Variants in MEF2A observed in about 807,000 individuals in gnomAD.
MEF2A encodes the protein myocyte-specific enhancer factor 2A.
In MEF2A, 28 loss-of-function variants were observed where a neutral mutation model predicts 55.8. The observed-to-expected ratio is 0.50, with a 90% confidence interval of 0.37 to 0.69. The LOEUF is 0.69. Among genes scored for constraint, MEF2A ranks in the 30% least tolerant of loss-of-function variants. The pLI, the probability that MEF2A is intolerant of heterozygous loss-of-function variation, is 0.00. For missense variants in MEF2A, 528 were observed against 626.2 expected (o/e 0.84, Z 1.67); for synonymous variants, 239 against 227.1 (o/e 1.05, Z -0.47).
intron 1 of MEF2A, among the ~76,000 whole-genome samples, chr15:99,576,975 T>A (rs1373681525): frequency 6.6e-6 from 1 of 152,164 alleles, no homozygotes; most frequent in East Asian, 1.9e-4. Flanking sequence ...CTTAAAAATT[T>A]TAAAAGCCTA....
In MEF2A at chr15:99,693,301, G is replaced by A. The variant is rs147567645; in HGVS notation, c.858+2873G>A. Among the ~76,000 whole-genome samples the A allele has an allele frequency of 2.9e-3, 444 of 152,212 alleles. 4 individuals carry two copies. The highest frequency in any genetic ancestry group is 0.01 in the African/African-American group (420 of 41,514). On this transcript the variant is annotated intron_variant, in intron 8 of 11. Coordinates refer to ENST00000557942, the MANE Select transcript of MEF2A (RefSeq NM_001319206.4). ...AAGAGCTATGCACCATTATCAAATGGTATAACATATTTATAATTGGACTTC... is the reference window on the plus strand; with the variant it reads ...AAGAGCTATGCACCATTATCAAATGATATAACATATTTATAATTGGACTTC...
At chr15:99,652,972 G>A (rs2047097678) in intron 4 of MEF2A, among the ~76,000 whole-genome samples, 1 of 152,052 alleles carries the variant, frequency 6.6e-6, no homozygotes, top group Non-Finnish European at 1.5e-5. Flanking sequence ...ATTATCTTAT[G>A]GCAGAAGTGC....
intron 3 of MEF2A, among the ~76,000 whole-genome samples, chr15:99,633,439 A>T (rs957033650): frequency 6.6e-6 from 1 of 152,156 alleles, no homozygotes; most frequent in Non-Finnish European, 1.5e-5. Flanking sequence ...AATCCATTGT[A>T]TAGATTTCTC....
chr15:99,639,118 C>A (rs1249835376), intron 3 of MEF2A, among the ~76,000 whole-genome samples: 1 of 152,082 alleles, frequency 6.6e-6, no homozygotes, highest in Non-Finnish European at 1.5e-5. Flanking sequence ...AACGATACTT[C>A]AAGGTTTGCT....
In MEF2A at chr15:99,683,520, C is replaced by T. The variant is rs147419441; in HGVS notation, c.671-6721C>T. On this transcript the variant is annotated intron_variant, in intron 7 of 11. Transcript: ENST00000557942. Reference sequence around the variant, plus strand: ...CTCTGCGGCTCAGGCAATTCTTCTGCGTCAGCCTCCCTAGTAGCCAGGATT... The same window carrying T: ...CTCTGCGGCTCAGGCAATTCTTCTGTGTCAGCCTCCCTAGTAGCCAGGATT... 1.2e-3 allele frequency among the ~76,000 whole-genome samples: 189 copies of T among 152,198 alleles called. 1 individual carries two copies. The highest frequency in any genetic ancestry group is 3.1e-3 in the Admixed American group (47 of 15,296).
intron 2 of MEF2A, chr15:99,620,786 T>G (rs1259035441): frequency 2.0e-5 from 3 of 152,160 alleles, no homozygotes; most frequent in Non-Finnish European, 4.4e-5. Context: ...CTAAACTAAT[T>G]TACATTCTCA....
At chr15:99,589,650 C>T (rs746562658) in intron 1 of MEF2A, among the ~76,000 whole-genome samples, 3 of 152,004 alleles carry the variant, frequency 2.0e-5, no homozygotes, top group East Asian at 1.9e-4. Flanking sequence ...TTTCCAAGTA[C>T]GTATCTTTAG....
At chr15:99,674,655 G>T in intron 6 of MEF2A, 43 bp downstream of exon 6, 2 of 1,507,690 alleles carry the variant, frequency 1.3e-6, no homozygotes, top group South Asian at 2.3e-5. Flanking sequence ...AATAAAGAGG[G>T]TGAAAAAATT....
At chr15:99,668,689 T>C (rs2050269225) in intron 4 of MEF2A, among the ~76,000 whole-genome samples, 1 of 152,202 alleles carries the variant, frequency 6.6e-6, no homozygotes, top group South Asian at 2.1e-4. Context: ...CAAGTGTCTT[T>C]ATTGTGGCTA....
intron 2 of MEF2A, among the ~76,000 whole-genome samples, chr15:99,613,241 G>A (rs1675571377): frequency 6.6e-6 from 1 of 152,154 alleles, no homozygotes; most frequent in African/African-American, 2.4e-5. Context: ...TTTATTGTGG[G>A]GCTAGGGCAA....
chr15:99,685,493 T>C (rs1041544493), intron 7 of MEF2A, among the ~76,000 whole-genome samples: 1 of 152,130 alleles, frequency 6.6e-6, no homozygotes, highest in African/African-American at 2.4e-5. Flanking sequence ...GATTCTCAGC[T>C]TGGTCATTGT....
At chr15:99,697,923 C>T (rs988413754) in intron 8 of MEF2A, among the ~76,000 whole-genome samples, 3 of 152,104 alleles carry the variant, frequency 2.0e-5, no homozygotes, top group African/African-American at 7.2e-5. Context: ...TACACCTATA[C>T]GTATATATTC....
chr15:99,591,578 A>G (rs1447263677), intron 1 of MEF2A, among the ~76,000 whole-genome samples: 1 of 151,694 alleles, frequency 6.6e-6, no homozygotes, highest in Non-Finnish European at 1.5e-5. Context: ...TCAAATTTGG[A>G]CCTTTTTCTG....
intron 8 of MEF2A, among the ~76,000 whole-genome samples, chr15:99,694,636 T>G (rs913885505): frequency 6.6e-6 from 1 of 152,224 alleles, no homozygotes; most frequent in African/African-American, 2.4e-5. Flanking sequence ...TTACCAGGTT[T>G]CTTTTCTGTG....
intron 9 of MEF2A, among the ~76,000 whole-genome samples, chr15:99,703,674 T>TA (rs2057698424): frequency 1.3e-5 from 2 of 152,222 alleles, no homozygotes; most frequent in South Asian, 4.1e-4. Context: ...TAAGGAAAGA[T>TA]ACAAAATACC....
At chr15:99,705,941 G>A (rs1028632696) in intron 9 of MEF2A, among the ~76,000 whole-genome samples, 7 of 152,240 alleles carry the variant, frequency 4.6e-5, no homozygotes, top group Non-Finnish European at 7.3e-5. Context: ...AGTTTGGCGA[G>A]AAACTGCTTC....
intron 1 of MEF2A, among the ~76,000 whole-genome samples, chr15:99,569,169 G>T (rs1961002942): frequency 6.6e-6 from 1 of 152,210 alleles, no homozygotes; most frequent in South Asian, 2.1e-4. Flanking sequence ...TGACAGAGTT[G>T]AGATATCTCC....
chr15:99,637,342 T>G (rs2044063877), intron 3 of MEF2A, among the ~76,000 whole-genome samples: 1 of 152,224 alleles, frequency 6.6e-6, no homozygotes, highest in Non-Finnish European at 1.5e-5. Context: ...TTTCATTAAT[T>G]CTCTCCATAA....
At chr15:99,684,705 G>C (rs2053883235) in intron 7 of MEF2A, among the ~76,000 whole-genome samples, 1 of 152,048 alleles carries the variant, frequency 6.6e-6, no homozygotes, top group Non-Finnish European at 1.5e-5. Flanking sequence ...GTTTAATTAG[G>C]TCCCATCTAT....
Sources: gnomAD v4.1 joint callset for allele counts (sites outside exome capture counted in the v4.1 genomes callset) on GRCh38, gnomAD v4.1.1 for gene constraint, MANE v1.5 for transcripts, NCBI Gene and HGNC (gene_info 2026-07-23, HGNC 2026-07-21) for gene names.